MANEA: variants seen among roughly 807,000 people sequenced by gnomAD.
MANEA encodes glycoprotein endo-alpha-1,2-mannosidase.
Under a neutral mutation model 36.8 loss-of-function variants are expected in MANEA, and 25 were observed. The observed-to-expected ratio is 0.68, with a 90% CI of 0.50 to 0.95. The LOEUF (loss-of-function observed/expected upper bound fraction) is 0.95, where lower values mean the gene tolerates loss of function less well. Ranked by LOEUF, MANEA falls within the 40% of genes least tolerant of loss-of-function variation. MANEA has a pLI of 0.00. For synonymous variants in MANEA, 198 were observed against 188.5 expected (o/e 1.05, Z -0.41); for missense variants, 565 against 558.8 (o/e 1.01, Z -0.11).
intron 2 of MANEA, among the ~76,000 whole-genome samples, chr6:95,587,768 CTGTT>C (rs1031551988): frequency 1.3e-5 from 2 of 151,930 alleles, no homozygotes; most frequent in East Asian, 1.9e-4. Context: ...GTCTTAATGT[CTGTT>C]TATTTCATTT....
intron 1 of MANEA, among the ~76,000 whole-genome samples, chr6:95,584,877 C>T (rs13191202): frequency 1.7e-4 from 26 of 152,278 alleles, no homozygotes; most frequent in East Asian, 3.9e-4. Context: ...AAAGAACCTA[C>T]GTTGAAATAT....
intron 1 of MANEA, among the ~76,000 whole-genome samples, chr6:95,578,594 A>G (rs760120976): frequency 6.6e-6 from 1 of 152,142 alleles, no homozygotes; most frequent in East Asian, 1.9e-4. Context: ...TGAAAAAAAC[A>G]TGAGTGCTGT....
At chr6:95,580,508 G>A (rs907894694) in intron 1 of MANEA, among the ~76,000 whole-genome samples, 18 of 151,896 alleles carry the variant, frequency 1.2e-4, no homozygotes, top group African/African-American at 3.9e-4. Flanking sequence ...GGTGGATCAC[G>A]AGGTCAGGAG....
chr6:95,597,857 A>T (rs996453014), intron 3 of MANEA, among the ~76,000 whole-genome samples: 1 of 152,056 alleles, frequency 6.6e-6, no homozygotes, highest in African/African-American at 2.4e-5. Flanking sequence ...ATTAATCTTT[A>T]CTATTGTCCA....
Position 95,606,006 on chromosome 6 carries a change from T to C in MANEA, c.990T>C (p.Thr330=), listed in dbSNP as rs1172662576. The change falls in exon 5 of 5, where the codon ACT becomes ACC. Residue 330 remains threonine, a synonymous_variant. Coordinates refer to ENST00000358812, the MANE Select transcript of MANEA (RefSeq NM_024641.4). ...CATATTTTGCCACAAATGGCTTTAC[T>C]TATGGCTCATCACATCAGAATTGGG... is the stretch of plus-strand genomic sequence containing the variant. ...IYTYFATNGF[T]YGSSHQNWAS... is the part of the protein sequence containing the mutation. 6.2e-7 allele frequency: 1 copy of C among 1,614,108 alleles called. No individual in the cohort carries two copies. The highest frequency in any genetic ancestry group is 8.5e-7 in the Non-Finnish European group (1 of 1,179,980).
rs1769766735 is a variant in MANEA, at chr6:95,608,832, CACTT to C, written c.*2429_*2432del. On this transcript the variant is annotated 3_prime_UTR_variant, in exon 5 of 5. Coordinates refer to ENST00000358812, the MANE Select transcript of MANEA (RefSeq NM_024641.4). ...TAAGTCATCTCTAGATTATTTATAA[CACTT>C]AATACAATGTAAATGCTATGTAGTT... The C allele has an allele frequency of 6.6e-6, 1 of 151,616 alleles. No homozygotes were observed. Among genetic ancestry groups the C allele is most frequent in the Non-Finnish European group, 1.5e-5 (1 of 67,712 alleles). The allele number at this position is 151,616 out of a possible 1,614,324, so 9.4% of individuals were successfully genotyped here.
Position 95,607,825 on chromosome 6 carries a change from G to A in MANEA, c.*1420G>A, listed in dbSNP as rs1029339264. 6.6e-6 allele frequency: 1 copy of A among 151,480 alleles called. No individual in the cohort carries two copies. The highest frequency in any genetic ancestry group is 1.5e-5 in the Non-Finnish European group (1 of 67,674). 9.4% of individuals were successfully genotyped at this position (151,480 alleles called of 1,614,324 possible). On this transcript the variant is annotated 3_prime_UTR_variant, in exon 5 of 5. Transcript: ENST00000358812. Reference sequence around the variant, plus strand: ...TTTCTTAGGTGTTCCATTAAGAAGAGCAATAGAATAATGCTAAAAAATAAT... The same window carrying A: ...TTTCTTAGGTGTTCCATTAAGAAGAACAATAGAATAATGCTAAAAAATAAT...
In MANEA at chr6:95,586,790, TG is replaced by T; in HGVS notation, c.353del (p.Gly118ValfsTer11). The T allele has an allele frequency of 6.2e-7, 1 of 1,613,956 alleles. No individual in the cohort carries two copies. Among genetic ancestry groups the T allele is most frequent in the Non-Finnish European group, 8.5e-7 (1 of 1,179,860 alleles). ...YSWYGNPQFD[G>X]KYIHWNHPVL... Reference sequence around the variant, plus strand: ...GTTGGTATGGAAATCCACAATTTGATGGTAAATATATACATTGGAATCATCC... The same window carrying T: ...GTTGGTATGGAAATCCACAATTTGATGTAAATATATACATTGGAATCATCC... On this transcript the variant is annotated frameshift_variant, in exon 2 of 5. Transcript: ENST00000358812. LOFTEE classifies it high-confidence loss of function.
intron 2 of MANEA, among the ~76,000 whole-genome samples, chr6:95,593,919 G>A (rs1014975208): frequency 6.6e-6 from 1 of 152,082 alleles, no homozygotes; most frequent in Admixed American, 6.6e-5. Flanking sequence ...GGTGGTGGGT[G>A]CCTGTAATCC....
In MANEA at chr6:95,605,937, A is replaced by G. The variant is rs1318532520; in HGVS notation, c.921A>G (p.Lys307=). ...GLFIALLVEE[K]HKYDILQSGF... ...TTATTGCCCTTCTGGTAGAAGAAAA[A>G]CATAAGTATGATATTCTTCAAAGTG... The change falls in exon 5 of 5, where the codon AAA becomes AAG. Residue 307 remains lysine, a synonymous_variant. Transcript: ENST00000358812. The G allele has an allele frequency of 1.2e-6, 2 of 1,613,846 alleles. No homozygotes were observed. Among genetic ancestry groups the G allele is most frequent in the Non-Finnish European group, 1.7e-6 (2 of 1,179,798 alleles).
intron 4 of MANEA, among the ~76,000 whole-genome samples, chr6:95,605,518 C>T (rs1334213375): frequency 2.0e-5 from 3 of 151,962 alleles, no homozygotes; most frequent in Non-Finnish European, 2.9e-5. Flanking sequence ...ATTTGTAAAC[C>T]TCAATATGAG....
intron 3 of MANEA, among the ~76,000 whole-genome samples, chr6:95,600,874 T>C (rs1329788418): frequency 6.6e-6 from 1 of 152,228 alleles, no homozygotes; most frequent in East Asian, 1.9e-4. Context: ...GATTATATAA[T>C]GTTTTTACTA....
intron 1 of MANEA, among the ~76,000 whole-genome samples, chr6:95,579,173 A>G (rs1230263428): frequency 1.3e-5 from 2 of 152,178 alleles, no homozygotes; most frequent in African/African-American, 2.4e-5. Flanking sequence ...GATCGAGACC[A>G]TCCTGGCCAA....
intron 1 of MANEA, among the ~76,000 whole-genome samples, chr6:95,582,952 C>T (rs1205101060): frequency 3.3e-5 from 5 of 152,048 alleles, no homozygotes; most frequent in Non-Finnish European, 7.4e-5. Context: ...TTTCTCAGTA[C>T]GGGTTCGCTG....
At chr6:95,601,912 A>G (rs1769601211) in intron 3 of MANEA, among the ~76,000 whole-genome samples, 1 of 152,060 alleles carries the variant, frequency 6.6e-6, no homozygotes, top group Admixed American at 6.6e-5. Context: ...ATATGGCTCT[A>G]GAGTCATTTT....
At position 95,601,716 on chromosome 6, in the gene MANEA, A is replaced by ATTTTTTTTTTTTTTTTTTTTT. The variant is rs67335804; in HGVS notation, c.655-3103_655-3083dup. Among the ~76,000 whole-genome samples the ATTTTTTTTTTTTTTTTTTTTT allele has an allele frequency of 8.9e-4, 58 of 64,994 alleles. 2 individuals are homozygous for ATTTTTTTTTTTTTTTTTTTTT. The highest frequency in any genetic ancestry group is 1.3e-3 in the Non-Finnish European group (47 of 37,296). The allele number at this position is 64,994 out of a possible 152,430, so 42.6% of individuals were successfully genotyped here. ...AAAAGAAAATTAGGCAGATTCAGTG[A>ATTTTTTTTTTTTTTTTTTTTT]TTTTTTTTTTTTTTTTTTTTTTTTT... On this transcript the variant is annotated intron_variant, in intron 3 of 4. Coordinates refer to ENST00000358812, the MANE Select transcript of MANEA (RefSeq NM_024641.4).
At chr6:95,594,548 T>G (rs553169487) in intron 2 of MANEA, among the ~76,000 whole-genome samples, 34 of 152,362 alleles carry the variant, frequency 2.2e-4, no homozygotes, top group African/African-American at 8.2e-4. Flanking sequence ...TGTTGCATGT[T>G]GCTGTTGTCT....
At chr6:95,597,038 T>C (rs551268898) in intron 3 of MANEA, among the ~76,000 whole-genome samples, 192 bp downstream of exon 3, 2 of 152,118 alleles carry the variant, frequency 1.3e-5, no homozygotes, top group South Asian at 4.1e-4. Flanking sequence ...AGAGATTCTT[T>C]ACTATGTTTC....
At chr6:95,589,759 C>T (rs1769353248) in intron 2 of MANEA, among the ~76,000 whole-genome samples, 2 of 151,950 alleles carry the variant, frequency 1.3e-5, no homozygotes, top group Admixed American at 6.6e-5. Context: ...AAAATAGCCC[C>T]CATTTTCTGA....
Sources: allele counts gnomAD v4.1 joint callset (sites outside exome capture counted in the v4.1 genomes callset), GRCh38; gene constraint gnomAD v4.1.1; transcripts MANE v1.5; gene names NCBI Gene and HGNC (gene_info 2026-07-23, HGNC 2026-07-21).